The following CCDC170 variants were observed in gnomAD, a reference collection of about 807,000 sequenced individuals.
The protein encoded by CCDC170 is coiled-coil domain containing 170.
CCDC170 carries 69 observed loss-of-function variants against 72.6 expected under a neutral mutation model. The ratio of observed to expected loss-of-function variants is 0.95; its 90% CI spans 0.78 to 1.16. The LOEUF (loss-of-function observed/expected upper bound fraction) is 1.16, where lower values mean the gene tolerates loss of function less well. CCDC170 is among the 50% of genes most tolerant of loss of function. The pLI is 0.00. For synonymous variants in CCDC170, 300 were observed against 303.9 expected, an observed-to-expected ratio of 0.99 and a Z score of 0.13; for missense variants, 852 against 832.5, an observed-to-expected ratio of 1.02 and a Z score of -0.29.
intron 6 of CCDC170, among the ~76,000 whole-genome samples, chr6:151,578,619 T>C (rs1186820463): frequency 1.3e-5 from 2 of 152,064 alleles, no homozygotes; most frequent in Non-Finnish European, 2.9e-5. Flanking sequence ...CTTCAACATA[T>C]CTTTTTTGAG....
chr6:151,566,225 G>A (rs1403383837), intron 5 of CCDC170, among the ~76,000 whole-genome samples: 1 of 152,144 alleles, frequency 6.6e-6, no homozygotes, highest in Non-Finnish European at 1.5e-5. Flanking sequence ...CATTCTATTG[G>A]CTCATGGGCC....
At position 151,618,122 on chromosome 6, in the gene CCDC170, A is replaced by G; in HGVS notation, c.2123A>G (p.Gln708Arg). 1.2e-6 allele frequency: 2 copies of G among 1,614,140 alleles called. No individual in the cohort carries two copies. Among genetic ancestry groups the G allele is most frequent in the South Asian group, 1.1e-5 (1 of 91,074 alleles). Residue 708 changes from glutamine to arginine, a missense_variant, in exon 11 of 11, where the codon CAA (glutamine) becomes CGA (arginine). Transcript: ENST00000239374. ...ACTACTGGGCAAGAGAGGCACCCACAAGGCCATTTACAGCTTCTTCATTGA... is the reference window on the plus strand; with the variant it reads ...ACTACTGGGCAAGAGAGGCACCCACGAGGCCATTTACAGCTTCTTCATTGA... ...DVTTGQERHP[Q>R]GHLQLLH
At chr6:151,529,430 G>A (rs1782460715) in intron 1 of CCDC170, among the ~76,000 whole-genome samples, 1 of 152,154 alleles carries the variant, frequency 6.6e-6, no homozygotes, top group Admixed American at 6.5e-5. Context: ...AGGCTGTGGT[G>A]GGAGGATCAC....
At chr6:151,559,998 G>C (rs972596013) in intron 5 of CCDC170, among the ~76,000 whole-genome samples, 1 of 151,984 alleles carries the variant, frequency 6.6e-6, no homozygotes, top group Non-Finnish European at 1.5e-5. Context: ...GGTTGAGTTT[G>C]TTCTTGTTTT....
intron 1 of CCDC170, among the ~76,000 whole-genome samples, chr6:151,523,832 C>T (rs1174032127): frequency 1.3e-5 from 2 of 152,168 alleles, no homozygotes; most frequent in Non-Finnish European, 2.9e-5. Context: ...ACAACAAAAG[C>T]ATTGCAAACA....
At chr6:151,554,287 A>G (rs1017798172) in intron 5 of CCDC170, among the ~76,000 whole-genome samples, 4 of 152,250 alleles carry the variant, frequency 2.6e-5, no homozygotes, top group Non-Finnish European at 4.4e-5. Flanking sequence ...CAATGAGATC[A>G]GAAACTAAAC....
At chr6:151,518,248 G>T (rs17760616) in intron 1 of CCDC170, among the ~76,000 whole-genome samples, 12,750 of 152,166 alleles carry the variant, frequency 0.084, 652 homozygotes, top group Middle Eastern at 0.17. Flanking sequence ...CTTTCTTAGT[G>T]TGGGAAAATC....
At chr6:151,553,222 G>T (rs1041454435) in intron 5 of CCDC170, among the ~76,000 whole-genome samples, 2 of 152,076 alleles carry the variant, frequency 1.3e-5, no homozygotes, top group Non-Finnish European at 2.9e-5. Context: ...GATCAGAGAG[G>T]TTATTCACTT....
chr6:151,599,152 GA>G (rs1194437896), intron 9 of CCDC170, among the ~76,000 whole-genome samples: 1 of 152,166 alleles, frequency 6.6e-6, no homozygotes, highest in East Asian at 1.9e-4. Context: ...CTTTGAAAAG[GA>G]AACAAAATTT....
intron 6 of CCDC170, 151 bp downstream of exon 6, chr6:151,573,642 A>AC: frequency 1.2e-6 from 1 of 817,678 alleles, no homozygotes; most frequent in African/African-American, 1.7e-5. Context: ...TAATGGATTC[A>AC]CAGTTCCACA....
chr6:151,601,559 A>G (rs1221012129), intron 9 of CCDC170, among the ~76,000 whole-genome samples: 1 of 152,112 alleles, frequency 6.6e-6, no homozygotes, highest in Non-Finnish European at 1.5e-5. Context: ...GTGTATACAG[A>G]CAGATATATG....
intron 1 of CCDC170, among the ~76,000 whole-genome samples, chr6:151,494,449 GAA>G (rs1478260936): frequency 1.3e-5 from 2 of 152,144 alleles, no homozygotes; most frequent in African/African-American, 4.8e-5. Context: ...GGTGACATTC[GAA>G]AGACTGTGGC....
intron 6 of CCDC170, among the ~76,000 whole-genome samples, chr6:151,575,680 C>T (rs1036687448): frequency 6.6e-5 from 10 of 151,706 alleles, no homozygotes; most frequent in African/African-American, 2.4e-4. Context: ...CAGGCATGCA[C>T]CACCACACCC....
chr6:151,514,349 G>GAGGGAGGGAGGGAAGGGAAGA (rs1554219940), intron 1 of CCDC170, among the ~76,000 whole-genome samples: 1 of 100,640 alleles, frequency 9.9e-6, no homozygotes, highest in Admixed American at 9.4e-5. Flanking sequence ...GGGAGGGAGG[G>GAGGGAGGGAGGGAAGGGAAGA]AGGGAGGGAG....
chr6:151,613,551 T>C (rs1475563588), intron 9 of CCDC170, among the ~76,000 whole-genome samples: 1 of 152,228 alleles, frequency 6.6e-6, no homozygotes, highest in East Asian at 1.9e-4. Context: ...TACTAGCCCC[T>C]GGCCTTTTCT....
intron 1 of CCDC170, among the ~76,000 whole-genome samples, chr6:151,513,794 C>T (rs1432991760): frequency 6.6e-6 from 1 of 151,188 alleles, no homozygotes; most frequent in Non-Finnish European, 1.5e-5. Context: ...GTGGCATTCG[C>T]CTGTAATCCC....
chr6:151,573,402 A>G lies in CCDC170; in HGVS notation c.1003A>G (p.Arg335Gly). ...TAGGGAGAAAATCGCAGCCCTCCTT[A>G]GGGGCAGATTGAGCATGACTGGGTC... ...SFREKIAALL[R>G]GRLSMTGSTE... is the part of the protein sequence containing the mutation. The change falls in exon 6 of 11, where the codon AGG (arginine) becomes GGG (glycine). Residue 335 changes from arginine (R) to glycine (G), a missense_variant. Arg to Gly is a moderately radical substitution (Grantham distance 125, BLOSUM62 -2). Transcript: ENST00000239374. 1 of 1,614,126 alleles carries G rather than the reference A, an allele frequency of 6.2e-7. No homozygotes were observed. Among genetic ancestry groups the G allele is most frequent in the Non-Finnish European group, 8.5e-7 (1 of 1,180,010 alleles).
At chr6:151,520,788 G>A (rs1470884802) in intron 1 of CCDC170, among the ~76,000 whole-genome samples, 1 of 152,132 alleles carries the variant, frequency 6.6e-6, no homozygotes, top group Non-Finnish European at 1.5e-5. Context: ...AGCACAAGAG[G>A]ACAATTTCAA....
At chr6:151,613,198 G>A (rs1009430012) in intron 9 of CCDC170, among the ~76,000 whole-genome samples, 3 of 152,168 alleles carry the variant, frequency 2.0e-5, no homozygotes, top group Non-Finnish European at 4.4e-5. Context: ...GAGGCCAGGG[G>A]TCCAAGACCA....
Sources: allele counts gnomAD v4.1 joint callset (sites outside exome capture counted in the v4.1 genomes callset), GRCh38; gene constraint gnomAD v4.1.1; transcripts MANE v1.5; gene names NCBI Gene and HGNC (gene_info 2026-07-23, HGNC 2026-07-21).